Variants in LUZP2 observed in about 807,000 individuals in gnomAD.
LUZP2 encodes the protein leucine zipper protein 2.
Under a neutral mutation model 51.6 loss-of-function variants are expected in LUZP2, and 52 were observed. The ratio of observed to expected loss-of-function variants is 1.01; its 90% CI spans 0.81 to 1.27. The LOEUF is 1.27. Ranked by LOEUF, LUZP2 falls within the 50% of genes most tolerant of loss-of-function variation. The pLI is 0.00. For missense variants in LUZP2, 436 were observed against 395.4 expected (o/e 1.10, Z -0.87); for synonymous variants, 154 against 137.3 (o/e 1.12, Z -0.85).
At chr11:24,941,073 A>T (rs1006822480) in intron 7 of LUZP2, among the ~76,000 whole-genome samples, 1 of 152,170 alleles carries the variant, frequency 6.6e-6, no homozygotes, top group Non-Finnish European at 1.5e-5. Flanking sequence ...GTTTAGATAG[A>T]AGAGGCATAA....
intron 1 of LUZP2, among the ~76,000 whole-genome samples, chr11:24,714,612 CT>C (rs1857966947): frequency 6.6e-6 from 1 of 152,170 alleles, no homozygotes; most frequent in South Asian, 2.1e-4. Flanking sequence ...CCCCCAACCC[CT>C]AACCCATACG....
At chr11:25,003,302 G>C (rs1457755929) in intron 9 of LUZP2, among the ~76,000 whole-genome samples, 2 of 152,180 alleles carry the variant, frequency 1.3e-5, no homozygotes, top group East Asian at 3.9e-4. Context: ...GGGGCAAGAT[G>C]GTCCACGTAA....
chr11:24,587,907 A>G (rs1257255094), intron 1 of LUZP2, among the ~76,000 whole-genome samples: 2 of 152,220 alleles, frequency 1.3e-5, no homozygotes, highest in South Asian at 2.1e-4. Flanking sequence ...GATGCTGGAC[A>G]TTATAGATTC....
At chr11:24,649,081 G>C (rs1474952588) in intron 1 of LUZP2, among the ~76,000 whole-genome samples, 2 of 151,934 alleles carry the variant, frequency 1.3e-5, no homozygotes, top group African/African-American at 4.8e-5. Flanking sequence ...ATTAGGGAAA[G>C]ACAAAACATG....
In LUZP2 at chr11:24,732,186, A is replaced by G; in HGVS notation, c.249A>G (p.Gln83=). 6 of 1,601,572 alleles carry G rather than the reference A, an allele frequency of 3.7e-6. No individual in the cohort carries two copies. Among genetic ancestry groups the G allele is most frequent in the Non-Finnish European group, 2.6e-6 (3 of 1,173,502 alleles). ...AACTTCTGGAATTAGGACAGAAACA[A>G]AGGTAAGACTTTTCTTTTTTTCTTA... ...VQKLLELGQK[Q]REEMKSLQEA... The change falls in exon 3 of 12, where the codon CAA becomes CAG. Residue 83 remains glutamine (Q), a splice_region_variant and synonymous_variant. Transcript: ENST00000336930.
chr11:24,851,073 C>G (rs1851380615), intron 5 of LUZP2, among the ~76,000 whole-genome samples: 1 of 152,204 alleles, frequency 6.6e-6, no homozygotes, highest in Non-Finnish European at 1.5e-5. Context: ...GACAATTTGA[C>G]TTCCTCTCCT....
intron 1 of LUZP2, among the ~76,000 whole-genome samples, chr11:24,643,076 G>T (rs572653629): frequency 6.6e-6 from 1 of 151,874 alleles, no homozygotes; most frequent in South Asian, 2.1e-4. Context: ...GGCAAAACGT[G>T]ATGAGAGCCT....
chr11:24,596,618 G>A (rs1853452019), intron 1 of LUZP2, among the ~76,000 whole-genome samples: 4 of 152,140 alleles, frequency 2.6e-5, no homozygotes, highest in Admixed American at 1.3e-4. Context: ...TGCCTAAAAT[G>A]ACATCTAGAT....
intron 9 of LUZP2, among the ~76,000 whole-genome samples, chr11:25,044,825 A>T (rs968734447): frequency 1.3e-5 from 2 of 152,012 alleles, no homozygotes; most frequent in African/African-American, 4.8e-5. Context: ...TCCAACAAGG[A>T]TAGACTGGAT....
intron 1 of LUZP2, among the ~76,000 whole-genome samples, chr11:24,539,809 T>C (rs190223003): frequency 6.6e-6 from 1 of 152,190 alleles, no homozygotes; most frequent in Admixed American, 6.6e-5. Context: ...ATTTAGAAAC[T>C]AGCTTCTGAA....
intron 5 of LUZP2, among the ~76,000 whole-genome samples, chr11:24,785,094 G>C (rs760811869): frequency 6.6e-6 from 1 of 151,932 alleles, no homozygotes; most frequent in Non-Finnish European, 1.5e-5. Flanking sequence ...CACTATTTAT[G>C]CTCATTCCTC....
chr11:24,652,914 C>A (rs1180970346), intron 1 of LUZP2, among the ~76,000 whole-genome samples: 4 of 151,970 alleles, frequency 2.6e-5, no homozygotes, highest in Non-Finnish European at 4.4e-5. Flanking sequence ...GCAAAAATAT[C>A]AAAATTTAAG....
At chr11:24,761,266 AG>A (rs1859968435) in intron 4 of LUZP2, among the ~76,000 whole-genome samples, 1 of 152,112 alleles carries the variant, frequency 6.6e-6, no homozygotes, top group African/African-American at 2.4e-5. Context: ...TCACATGGGC[AG>A]AACAGGAGGA....
At chr11:24,741,638 C>CAGTG (rs1859146140) in intron 4 of LUZP2, among the ~76,000 whole-genome samples, 1 of 151,210 alleles carries the variant, frequency 6.6e-6, no homozygotes, top group African/African-American at 2.4e-5. Context: ...TAGCTTAGCT[C>CAGTG]CCACATATCA....
chr11:24,800,946 C>A (rs1426088138), intron 5 of LUZP2, among the ~76,000 whole-genome samples: 1 of 152,078 alleles, frequency 6.6e-6, no homozygotes, highest in African/African-American at 2.4e-5. Flanking sequence ...GACACCAGAA[C>A]AAACTATTGT....
intron 7 of LUZP2, among the ~76,000 whole-genome samples, chr11:24,916,328 A>G (rs1044022702): frequency 4.0e-5 from 6 of 151,174 alleles, no homozygotes; most frequent in Admixed American, 1.3e-4. Context: ...TTTATTTTTT[A>G]TTTTTTTTAT....
At chr11:25,060,163 T>G (rs1425758632) in intron 10 of LUZP2, among the ~76,000 whole-genome samples, 1 of 152,134 alleles carries the variant, frequency 6.6e-6, no homozygotes, top group Non-Finnish European at 1.5e-5. Context: ...CTTCATTCAT[T>G]AGAGTTGCTA....
intron 5 of LUZP2, among the ~76,000 whole-genome samples, chr11:24,889,703 C>G (rs2133754667): frequency 6.6e-6 from 1 of 152,246 alleles, no homozygotes; most frequent in African/African-American, 2.4e-5. Flanking sequence ...TTAATTATCC[C>G]CAAATTCTGG....
intron 5 of LUZP2, among the ~76,000 whole-genome samples, chr11:24,850,462 T>C (rs1020443812): frequency 1.3e-5 from 2 of 152,152 alleles, no homozygotes; most frequent in African/African-American, 4.8e-5. Context: ...AGGCCTCTGT[T>C]CTGTTCCATT....
Sources: allele counts gnomAD v4.1 joint callset (sites outside exome capture counted in the v4.1 genomes callset), GRCh38; gene constraint gnomAD v4.1.1; transcripts MANE v1.5; gene names NCBI Gene and HGNC (gene_info 2026-07-23, HGNC 2026-07-21).